The following CRX variants were observed in gnomAD, a reference collection of about 807,000 sequenced individuals.
CRX encodes cone-rod homeobox protein.
A neutral mutation model predicts 13.1 loss-of-function variants in CRX; 5 were observed. That is an observed-to-expected ratio of 0.38 (90% confidence interval 0.20 to 0.80). The LOEUF (loss-of-function observed/expected upper bound fraction) is 0.80, where lower values mean the gene tolerates loss of function less well. CRX is among the 30% of genes least tolerant of loss of function. The pLI, the probability that CRX is intolerant of heterozygous loss-of-function variation, is 0.43. For missense variants in CRX, 351 were observed against 391.8 expected, an observed-to-expected ratio of 0.90 and a Z score of 0.88; for synonymous variants, 179 against 171.1, an observed-to-expected ratio of 1.05 and a Z score of -0.36.
rs1296846737 is a variant in CRX at position 47,839,512 on chromosome 19, C to T, written c.445C>T (p.Pro149Ser). 6.2e-7 allele frequency: 1 copy of T among 1,613,822 alleles called. No homozygotes were observed. The part of the protein sequence containing the change: ...SDSYSPPLPG[P>S]SGSPTTAVAT... ...TTCCTACAGTCCCCCTCTGCCCGGCCCCTCAGGCTCCCCAACCACGGCAGT... is the reference window on the plus strand; with the variant it reads ...TTCCTACAGTCCCCCTCTGCCCGGCTCCTCAGGCTCCCCAACCACGGCAGT... The change falls in exon 4 of 4, where the codon CCC becomes TCC. Residue 149 changes from proline to serine, a missense_variant. Pro to Ser is a moderately conservative substitution (Grantham distance 74). Transcript: ENST00000221996. This position sits in a 1 kb window ranked among gnomAD's most constrained non-coding sequence, Gnocchi z 4.6.
intron 1 of CRX, among the ~76,000 whole-genome samples, chr19:47,830,546 C>T (rs1372115068): frequency 1.3e-5 from 2 of 151,990 alleles, no homozygotes; most frequent in Middle Eastern, 3.4e-3. Context: ...ACTAAAAATA[C>T]AAAAATTAGC....
intron 2 of CRX, among the ~76,000 whole-genome samples, chr19:47,834,928 C>A (rs1968097714): frequency 1.3e-5 from 2 of 152,044 alleles, no homozygotes; most frequent in Non-Finnish European, 2.9e-5. Flanking sequence ...ATCCTCCCAC[C>A]TCAGCCTCCT....
chr19:47,823,958 G>A (rs10405809), intron 1 of CRX, among the ~76,000 whole-genome samples: 13,974 of 152,114 alleles, frequency 0.092, 1,685 homozygotes, highest in African/African-American at 0.27. Flanking sequence ...CCGAGTCTGC[G>A]TTTAAATCTT....
Position 47,839,661 on chromosome 19 carries a change from C to T in CRX, c.594C>T (p.Ala198=), listed in dbSNP as rs1186532132. 2.5e-6 allele frequency: 4 copies of T among 1,613,502 alleles called. No homozygotes were observed. Among genetic ancestry groups the T allele is most frequent in the Non-Finnish European group, 3.4e-6 (4 of 1,180,010 alleles). ...SAPYAMTYAP[A]SAFCSSPSAY... ...CCTATGCCATGACCTACGCCCCGGC[C>T]TCCGCTTTCTGCTCTTCCCCCTCCG... The change falls in exon 4 of 4, where the codon GCC becomes GCT. Residue 198 remains alanine, a synonymous_variant. Coordinates refer to ENST00000221996, the MANE Select transcript of CRX (RefSeq NM_000554.6). This position sits in a 1 kb window ranked among gnomAD's most constrained non-coding sequence, Gnocchi z 4.6.
chr19:47,826,985 C>T (rs939433152), intron 1 of CRX, among the ~76,000 whole-genome samples: 4 of 152,040 alleles, frequency 2.6e-5, no homozygotes, highest in Non-Finnish European at 4.4e-5. Flanking sequence ...TAGACCTCTC[C>T]GTGGGATGGC....
chr19:47,835,213 A>C (rs1968101564), intron 2 of CRX, among the ~76,000 whole-genome samples: 1 of 140,036 alleles, frequency 7.1e-6, no homozygotes, highest in Non-Finnish European at 1.6e-5. Context: ...CAAAACATAG[A>C]AAAAATTATT....
chr19:47,824,450 T>G (rs1967950754), intron 1 of CRX, among the ~76,000 whole-genome samples: 1 of 152,148 alleles, frequency 6.6e-6, no homozygotes, highest in South Asian at 2.1e-4. Context: ...AGCCTCAGTT[T>G]CCTTCTCTGT....
At position 47,836,245 on chromosome 19, in the gene CRX, G is replaced by GC; in HGVS notation, c.108dup (p.Arg37GlnfsTer34). ...TCCTGTTTCCCATCCCACCCCAGGC[G>GC]CCCCCAGGAAGCAGCGGCGGGAGCG... On this transcript the variant is annotated frameshift_variant, in exon 3 of 4. Coordinates refer to ENST00000221996, the MANE Select transcript of CRX (RefSeq NM_000554.6). LOFTEE classifies it high-confidence loss of function. 2 of 1,614,098 alleles carry GC rather than the reference G, an allele frequency of 1.2e-6. No individual in the cohort carries two copies. Among genetic ancestry groups the GC allele is most frequent in the Non-Finnish European group, 1.7e-6 (2 of 1,180,014 alleles).
rs1968213073 is a variant in CRX, at chr19:47,842,677, A to C, written c.*2710A>C. The stretch of plus-strand genomic sequence containing the variant: ...AGGAAGACAACATATGTCACTGGGG[A>C]GGCTGGGGGAGCTAGACAAAATTCA... On this transcript the variant is annotated 3_prime_UTR_variant, in exon 4 of 4. Coordinates refer to ENST00000221996, the MANE Select transcript of CRX (RefSeq NM_000554.6). 2 of 152,264 alleles carry C rather than the reference A, an allele frequency of 1.3e-5. No homozygotes were observed. Among genetic ancestry groups the C allele is most frequent in the Admixed American group, 6.6e-5 (1 of 15,250 alleles). The allele number at this position is 152,264 out of a possible 1,614,324, so 9.4% of individuals were successfully genotyped here.
chr19:47,836,195 C>T (rs537004349), intron 2 of CRX, 48 bp from the exon 3 acceptor site: 2 of 1,612,446 alleles, frequency 1.2e-6, no homozygotes, highest in East Asian at 2.2e-5. Context: ...GGGCCTCACA[C>T]CAGCCCATGT....
chr19:47,831,964 C>T (rs60583004), intron 1 of CRX, among the ~76,000 whole-genome samples: 2,456 of 144,616 alleles, frequency 0.017, 95 homozygotes, highest in African/African-American at 0.063. Flanking sequence ...GTCTCGAACT[C>T]CCGACCTCAG....
chr19:47,828,319 A>G (rs1200496798), intron 1 of CRX, among the ~76,000 whole-genome samples: 3 of 152,202 alleles, frequency 2.0e-5, no homozygotes, highest in Non-Finnish European at 2.9e-5. Context: ...AATGAACAGT[A>G]GAATCTCAAC....
Position 47,828,614 on chromosome 19 carries a change from C to CGT in CRX, c.-35-5780_-35-5779dup, listed in dbSNP as rs377325892. Among the ~76,000 whole-genome samples, 53 of 150,210 alleles carry CGT rather than the reference C, an allele frequency of 3.5e-4. No homozygotes were observed. In the East Asian group the frequency reaches 3.8e-3, roughly 11 times the overall value. On this transcript the variant is annotated intron_variant, in intron 1 of 3. Transcript: ENST00000221996. ...GTCTTGAAGAAAAGGAGGTAGGGAG[C>CGT]GTGTGTGTGTGTGTGTAAAATCCAG...
intron 3 of CRX, among the ~76,000 whole-genome samples, chr19:47,838,713 G>T (rs577920434): frequency 1.3e-5 from 2 of 152,202 alleles, no homozygotes; most frequent in South Asian, 2.1e-4. Context: ...AATTGTATGT[G>T]TGCATGTTTG....
chr19:47,833,110 TC>T, intron 1 of CRX, among the ~76,000 whole-genome samples: 1 of 151,466 alleles, frequency 6.6e-6, no homozygotes, highest in South Asian at 2.1e-4. Flanking sequence ...TATTTCTTTT[TC>T]TTTTTTTCAG....
At chr19:47,833,274 T>G (rs965623508) in intron 1 of CRX, among the ~76,000 whole-genome samples, 4 of 150,256 alleles carry the variant, frequency 2.7e-5, no homozygotes, top group Non-Finnish European at 5.9e-5. Flanking sequence ...TGTTTTTGTT[T>G]TTTTGTTTTG....
rs1318083411 is a variant in CRX, at chr19:47,834,487, C to A, written c.44C>A (p.Ala15Asp). 6.2e-7 allele frequency: 1 copy of A among 1,614,186 alleles called. No homozygotes were observed. Among genetic ancestry groups the A allele is most frequent in the Non-Finnish European group, 8.5e-7 (1 of 1,180,038 alleles). Residue 15 changes from alanine (A) to aspartate (D), a missense_variant, in exon 2 of 4, where the codon GCC becomes GAC. Around this residue, in one of 3 missense-constraint regions of CRX, gnomAD observed 95 missense variants for 106.7 expected, o/e 0.89. Transcript: ENST00000221996. ...CCGGGGCCCCACTATTCTGTCAACG[C>A]CTTGGCCCTAAGTGGCCCCAGTGTG... is the stretch of plus-strand genomic sequence containing the variant. Reference protein sequence around the residue: ...MNPGPHYSVNALALSGPSVDL... With the variant: ...MNPGPHYSVNDLALSGPSVDL...
intron 2 of CRX, among the ~76,000 whole-genome samples, chr19:47,835,098 G>A (rs1037839176): frequency 5.3e-5 from 8 of 152,096 alleles, no homozygotes; most frequent in Admixed American, 1.3e-4. Context: ...GGGCTCAAGC[G>A]ATCCTTTTGC....
intron 1 of CRX, among the ~76,000 whole-genome samples, chr19:47,824,663 A>G (rs1043096974): frequency 2.0e-5 from 3 of 152,028 alleles, no homozygotes; most frequent in Admixed American, 6.6e-5. Flanking sequence ...GAATGGAGTT[A>G]TCTGCATGTC....
Sources: gnomAD v4.1 joint callset for allele counts (sites outside exome capture counted in the v4.1 genomes callset) on GRCh38, gnomAD v4.1.1 for gene constraint, gnomAD v4.1.1 regional missense constraint, Gnocchi (gnomAD v3.1) non-coding constraint, MANE v1.5 for transcripts, NCBI Gene and HGNC (gene_info 2026-07-23, HGNC 2026-07-21) for gene names.